ZNF680: variants seen among roughly 807,000 people sequenced by gnomAD.
ZNF680 encodes the protein zinc finger protein 680.
A neutral mutation model predicts 12.1 loss-of-function variants in ZNF680; 6 were observed. The observed-to-expected ratio is 0.49, with a 90% CI of 0.27 to 0.98. The LOEUF (loss-of-function observed/expected upper bound fraction) is 0.98, where lower values mean the gene tolerates loss of function less well. Ranked by LOEUF, ZNF680 falls within the 50% of genes least tolerant of loss-of-function variation. The pLI is 0.12. For synonymous variants in ZNF680, 170 were observed against 199.3 expected, an observed-to-expected ratio of 0.85 and a Z score of 1.24; for missense variants, 561 against 616.3, an observed-to-expected ratio of 0.91 and a Z score of 0.95.
At chr7:64,536,153 CATA>C (rs1053396234) in intron 3 of ZNF680, among the ~76,000 whole-genome samples, 2 of 151,708 alleles carry the variant, frequency 1.3e-5, no homozygotes, top group Non-Finnish European at 2.9e-5. Flanking sequence ...TACATAGCAA[CATA>C]ATAATTGTAG....
intron 1 of ZNF680, among the ~76,000 whole-genome samples, chr7:64,557,011 G>A (rs567840664): frequency 6.6e-6 from 1 of 152,250 alleles, no homozygotes; most frequent in Non-Finnish European, 1.5e-5. Context: ...AGCACTTTGG[G>A]AGGCCAAGGC....
Position 64,546,630 on chromosome 7 carries a change from C to A in ZNF680, c.31-2198G>T, listed in dbSNP as rs1017722777. Among the ~76,000 whole-genome samples, 8 of 152,234 alleles carry A rather than the reference C, an allele frequency of 5.3e-5. No individual in the cohort carries two copies. The East Asian group carries it at 1.5e-3, about 29-fold the overall frequency. On this transcript the variant is annotated intron_variant, in intron 1 of 3. Coordinates refer to ENST00000309683, the MANE Select transcript of ZNF680 (RefSeq NM_178558.5). ...TGGCAGCATGAGCCTGTAATCCCAG[C>A]TATTCAGGAGGCAGAGGCAGGAGAA...
intron 1 of ZNF680, among the ~76,000 whole-genome samples, chr7:64,553,289 T>C (rs1787183432): frequency 1.3e-5 from 2 of 152,224 alleles, no homozygotes; most frequent in Non-Finnish European, 2.9e-5. Flanking sequence ...ATGATTTATA[T>C]GATTTACATA....
intron 3 of ZNF680, among the ~76,000 whole-genome samples, chr7:64,541,605 ATTAAGGAGTGTTC>A (rs1420294496): frequency 6.9e-6 from 1 of 145,550 alleles, no homozygotes; most frequent in Non-Finnish European, 1.5e-5. Flanking sequence ...ACAGTCTAAG[ATTAAGGAGTGTTC>A]TTTTCAGAAG....
chr7:64,509,039 C>G, the ZNF680 span, among the ~76,000 whole-genome samples: 1 of 152,136 alleles, frequency 6.6e-6, no homozygotes, highest in Non-Finnish European at 1.5e-5. Flanking sequence ...TACCCTCCCC[C>G]TCTCCATTTG....
chr7:64,542,565 T>C (rs1391565802), intron 3 of ZNF680, among the ~76,000 whole-genome samples: 1 of 152,154 alleles, frequency 6.6e-6, no homozygotes, highest in Non-Finnish European at 1.5e-5. Flanking sequence ...TATGGTTCCA[T>C]ACACTTAAAG....
At chr7:64,513,306 T>C in the ZNF680 span, among the ~76,000 whole-genome samples, 2 of 150,666 alleles carry the variant, frequency 1.3e-5, no homozygotes, top group Non-Finnish European at 3.0e-5. Flanking sequence ...TGCCTAAAAA[T>C]AAAAAAAGTC....
chr7:64,527,224 G>A (rs1791909388), intron 3 of ZNF680, among the ~76,000 whole-genome samples: 1 of 152,122 alleles, frequency 6.6e-6, no homozygotes, highest in East Asian at 1.9e-4. Context: ...GGCAATAAGA[G>A]CAAGATTCTG....
chr7:64,551,938 T>C (rs1263941449), intron 1 of ZNF680: 4 of 152,166 alleles, frequency 2.6e-5, no homozygotes, highest in African/African-American at 9.7e-5. Flanking sequence ...AACATGAGCA[T>C]TACGAAAAAG....
downstream of ZNF680, among the ~76,000 whole-genome samples, chr7:64,515,351 A>T (rs911191567): frequency 1.3e-5 from 2 of 151,876 alleles, no homozygotes; most frequent in African/African-American, 4.8e-5. Flanking sequence ...CCCCTAAAAA[A>T]TCCTAGCTAC....
At chr7:64,525,441 T>C in intron 3 of ZNF680, 1 of 151,910 alleles carries the variant, frequency 6.6e-6, no homozygotes, top group East Asian at 1.9e-4. Context: ...TTGTGCAAAA[T>C]AAAATGAGCC....
chr7:64,523,490 G>GACAATAAATAAAACAATAAATAAAC (rs1791656273), intron 3 of ZNF680, among the ~76,000 whole-genome samples: 1 of 151,864 alleles, frequency 6.6e-6, no homozygotes, highest in Non-Finnish European at 1.5e-5. Context: ...AGACAAAAAA[G>GACAATAAATAAAACAATAAATAAAC]AATCAAATAA....
At chr7:64,538,684 C>T (rs937415828) in intron 3 of ZNF680, among the ~76,000 whole-genome samples, 2 of 152,036 alleles carry the variant, frequency 1.3e-5, no homozygotes, top group Non-Finnish European at 2.9e-5. Context: ...AAGGATGCAA[C>T]CATTATTTAC....
At chr7:64,542,862 C>T (rs1187918210) in intron 3 of ZNF680, among the ~76,000 whole-genome samples, 7 of 152,022 alleles carry the variant, frequency 4.6e-5, no homozygotes, top group Admixed American at 3.3e-4. Context: ...CCATGCCAGG[C>T]TAATTTTTGT....
At chr7:64,519,767 C>T (rs898358831), downstream of ZNF680, 14 of 151,782 alleles carry the variant, frequency 9.2e-5, no homozygotes, top group African/African-American at 2.9e-4. Flanking sequence ...GAAAGATTAA[C>T]ATCTCATGAC....
At chr7:64,554,375 G>A (rs906476805) in intron 1 of ZNF680, among the ~76,000 whole-genome samples, 22 of 151,584 alleles carry the variant, frequency 1.5e-4, no homozygotes, top group Non-Finnish European at 2.5e-4. Context: ...GAGGTGGGGG[G>A]CAGCCCCAGC....
At chr7:64,543,065 T>C (rs1786591970) in intron 3 of ZNF680, among the ~76,000 whole-genome samples, 1 of 151,426 alleles carries the variant, frequency 6.6e-6, no homozygotes, top group Admixed American at 6.6e-5. Flanking sequence ...TAAAGTGCCA[T>C]ATTATCCAAA....
chr7:64,555,269 A>T (rs1787344026), intron 1 of ZNF680, among the ~76,000 whole-genome samples: 1 of 152,174 alleles, frequency 6.6e-6, no homozygotes, highest in Non-Finnish European at 1.5e-5. Flanking sequence ...TCAGAAATAA[A>T]ACAACCCTCA....
downstream of ZNF680, among the ~76,000 whole-genome samples, chr7:64,516,131 T>C (rs1199973278): frequency 6.6e-6 from 1 of 152,218 alleles, no homozygotes; most frequent in Non-Finnish European, 1.5e-5. Flanking sequence ...GGGGAACTCC[T>C]ACTCAGAAAC....
Sources: gnomAD v4.1 joint callset for allele counts (sites outside exome capture counted in the v4.1 genomes callset) on GRCh38, gnomAD v4.1.1 for gene constraint, MANE v1.5 for transcripts, NCBI Gene and HGNC (gene_info 2026-07-23, HGNC 2026-07-21) for gene names.